PCDH15: variants seen among roughly 807,000 people sequenced by gnomAD.
PCDH15 encodes protocadherin related 15, also known as protocadherin-15.
A neutral mutation model predicts 178.5 loss-of-function variants in PCDH15; 129 were observed. That is an observed-to-expected ratio of 0.72 (90% CI 0.63 to 0.84). PCDH15 has a LOEUF of 0.84. Among genes scored for constraint, PCDH15 ranks in the 40% least tolerant of loss-of-function variants. The pLI is 0.00. For missense variants in PCDH15, 2,230 were observed against 2,099.9 expected, an observed-to-expected ratio of 1.06 and a Z score of -1.21; for synonymous variants, 800 against 732.0, an observed-to-expected ratio of 1.09 and a Z score of -1.50.
intron 15 of PCDH15, among the ~76,000 whole-genome samples, chr10:54,120,588 T>A: frequency 6.6e-6 from 1 of 151,782 alleles, no homozygotes; most frequent in Non-Finnish European, 1.5e-5. Context: ...AGAGATGGAG[T>A]AAGATCTACT....
intron 8 of PCDH15, among the ~76,000 whole-genome samples, chr10:54,279,397 A>G (rs1360530070): frequency 4.0e-5 from 6 of 151,656 alleles, no homozygotes; most frequent in Non-Finnish European, 7.4e-5. Flanking sequence ...ATAGTGCACA[A>G]ATATGTAGTT....
intron 17 of PCDH15, among the ~76,000 whole-genome samples, chr10:54,069,934 T>C (rs1189141377): frequency 6.6e-6 from 1 of 152,148 alleles, no homozygotes; most frequent in Non-Finnish European, 1.5e-5. Flanking sequence ...CCAGTTAAAT[T>C]AAAAAGATCT....
chr10:54,953,824 AC>A (rs1156524293), intron 2 of PCDH15, among the ~76,000 whole-genome samples: 1 of 151,268 alleles, frequency 6.6e-6, no homozygotes, highest in Non-Finnish European at 1.5e-5. Context: ...AATATTTTAA[AC>A]ATTTTTATCT....
intron 2 of PCDH15, among the ~76,000 whole-genome samples, chr10:55,019,369 C>T (rs2131952525): frequency 6.6e-6 from 1 of 152,144 alleles, no homozygotes; most frequent in South Asian, 2.1e-4. Flanking sequence ...TTTTAACAAG[C>T]CACCTTTATT....
At position 54,588,930 on chromosome 10, in the gene PCDH15, T is replaced by C. The variant is rs183272784; in HGVS notation, c.92-61053A>G. On this transcript the variant is annotated intron_variant, in intron 2 of 37. Coordinates refer to ENST00000644397, the MANE Select transcript of PCDH15 (RefSeq NM_001384140.1). ...ATGGCTGCTAGCTAGTGGAAAAAAA[T>C]GGTGATATTAAAAACATGGGTATAT... Among the ~76,000 whole-genome samples the C allele has an allele frequency of 6.6e-5, 10 of 152,140 alleles. No individual in the cohort carries two copies. The East Asian group carries it at 1.9e-3, about 29-fold the overall frequency.
intron 5 of PCDH15, among the ~76,000 whole-genome samples, chr10:54,360,692 A>ACAT: frequency 6.6e-6 from 1 of 152,184 alleles, no homozygotes; most frequent in South Asian, 2.1e-4. Context: ...TTTTGATCCT[A>ACAT]CATCATCATC....
chr10:55,160,816 G>A (rs139079444), intron 2 of PCDH15, among the ~76,000 whole-genome samples: 42 of 152,158 alleles, frequency 2.8e-4, no homozygotes, highest in Admixed American at 1.5e-3. Context: ...CTGTAGCACT[G>A]CCTGTTGACG....
intron 2 of PCDH15, among the ~76,000 whole-genome samples, chr10:55,069,973 A>C (rs955419266): frequency 1.3e-5 from 2 of 152,054 alleles, no homozygotes; most frequent in African/African-American, 4.8e-5. Flanking sequence ...TGCCATTCTA[A>C]CTGGTGTGAG....
chr10:55,349,769 C>A (rs967108203), intron 2 of PCDH15, among the ~76,000 whole-genome samples: 1 of 152,004 alleles, frequency 6.6e-6, no homozygotes, highest in Admixed American at 6.6e-5. Context: ...AGAGTCATGG[C>A]AGAAAAGATA....
At chr10:55,077,515 CTTCT>C (rs1464071345) in intron 2 of PCDH15, among the ~76,000 whole-genome samples, 3 of 137,856 alleles carry the variant, frequency 2.2e-5, no homozygotes, top group Non-Finnish European at 3.1e-5. Flanking sequence ...TCCTTCCTTC[CTTCT>C]TTCCTTCCTT....
At chr10:54,040,751 C>T (rs989063088) in intron 18 of PCDH15, among the ~76,000 whole-genome samples, 2 of 151,994 alleles carry the variant, frequency 1.3e-5, no homozygotes, top group Admixed American at 1.3e-4. Context: ...AAAAACATTA[C>T]CACTAGAGTG....
intron 1 of PCDH15, among the ~76,000 whole-genome samples, chr10:55,318,627 G>T (rs756133472): frequency 6.6e-6 from 1 of 152,022 alleles, no homozygotes; most frequent in Non-Finnish European, 1.5e-5. Context: ...CAAAGAAAAG[G>T]TAAAGTTAGA....
At chr10:54,126,623 C>T (rs191511127) in intron 15 of PCDH15, among the ~76,000 whole-genome samples, 1 of 151,974 alleles carries the variant, frequency 6.6e-6, no homozygotes, top group Non-Finnish European at 1.5e-5. Flanking sequence ...TAAACTAATG[C>T]TACATTATAG....
chr10:54,437,159 A>C (rs1202021112), intron 3 of PCDH15, among the ~76,000 whole-genome samples: 1 of 152,210 alleles, frequency 6.6e-6, no homozygotes, highest in Non-Finnish European at 1.5e-5. Context: ...TTACAAAAAC[A>C]AATAATCTTC....
At chr10:54,713,208 AACACACAC>A (rs376488948) in intron 1 of PCDH15, among the ~76,000 whole-genome samples, 1 of 151,168 alleles carries the variant, frequency 6.6e-6, no homozygotes, top group Non-Finnish European at 1.5e-5. Flanking sequence ...ATGAAGTTAA[AACACACAC>A]ACACACACAT....
intron 3 of PCDH15, among the ~76,000 whole-genome samples, chr10:54,414,627 A>G (rs530031606): frequency 6.6e-6 from 1 of 152,250 alleles, no homozygotes; most frequent in Non-Finnish European, 1.5e-5. Context: ...CTATATGAAA[A>G]TATTAACTGA....
At chr10:54,634,446 T>TAA (rs1281149657) in intron 2 of PCDH15, among the ~76,000 whole-genome samples, 2 of 152,060 alleles carry the variant, frequency 1.3e-5, no homozygotes, top group Non-Finnish European at 2.9e-5. Context: ...TTATTCATTT[T>TAA]AATTATTGGA....
intron 2 of PCDH15, among the ~76,000 whole-genome samples, chr10:55,145,427 T>G (rs2589459): frequency 0.9 from 137,089 of 151,968 alleles, 62,509 homozygotes; most frequent in Non-Finnish European, 0.97. Context: ...TTTCTTTCCT[T>G]GTGTTCAAGA....
intron 8 of PCDH15, among the ~76,000 whole-genome samples, chr10:54,290,654 T>C (rs1396006521): frequency 2.6e-5 from 4 of 152,074 alleles, no homozygotes; most frequent in Non-Finnish European, 4.4e-5. Flanking sequence ...GAGACACATC[T>C]CACATACAAA....
Sources: gnomAD v4.1 joint callset for allele counts (sites outside exome capture counted in the v4.1 genomes callset) on GRCh38, gnomAD v4.1.1 for gene constraint, MANE v1.5 for transcripts, NCBI Gene and HGNC (gene_info 2026-07-23, HGNC 2026-07-21) for gene names.